Variants in PALM2AKAP2 observed in about 807,000 individuals in gnomAD.
PALM2AKAP2 encodes the protein PALM2 and AKAP2 fusion, also known as PALM2-AKAP2 fusion protein.
A neutral mutation model predicts 71.5 loss-of-function variants in PALM2AKAP2; 37 were observed. That is an observed-to-expected ratio of 0.52 (90% CI 0.40 to 0.68). The LOEUF is 0.68. PALM2AKAP2 is among the 30% of genes least tolerant of loss of function. The pLI is 0.00. For missense variants in PALM2AKAP2, 1,224 were observed against 1,191.8 expected, an observed-to-expected ratio of 1.03 and a Z score of -0.40; for synonymous variants, 468 against 478.8, an observed-to-expected ratio of 0.98 and a Z score of 0.29.
chr9:110,171,568 C>CCA (rs1290378806), exon 4 of PALM2AKAP2: 1 of 152,174 alleles, frequency 6.6e-6, no homozygotes, highest in Non-Finnish European at 1.5e-5. Context: ...AAACCTTGGG[C>CCA]CACCGCTTTG....
intron 1 of PALM2AKAP2, among the ~76,000 whole-genome samples, chr9:109,847,241 G>C (rs1017886840): frequency 6.6e-6 from 1 of 152,164 alleles, no homozygotes; most frequent in Non-Finnish European, 1.5e-5. Flanking sequence ...CGTATAGGGA[G>C]ATCTGACAGA....
At chr9:109,758,718 C>T (rs143914278) in intron 1 of PALM2AKAP2, among the ~76,000 whole-genome samples, 1 of 152,112 alleles carries the variant, frequency 6.6e-6, no homozygotes, top group East Asian at 1.9e-4. Flanking sequence ...TTAATGAAAT[C>T]TCAGCTTCTC....
At chr9:110,140,050 A>G (rs950567383) in intron 2 of PALM2AKAP2, among the ~76,000 whole-genome samples, 4 of 152,066 alleles carry the variant, frequency 2.6e-5, no homozygotes, top group African/African-American at 9.7e-5. Context: ...CACAGTAGTT[A>G]CTTTTTTCTT....
intron 1 of PALM2AKAP2, among the ~76,000 whole-genome samples, chr9:110,079,896 C>T (rs12340701): frequency 0.016 from 2,490 of 151,942 alleles, 53 homozygotes; most frequent in African/African-American, 0.058. Context: ...CTGGTGAAAC[C>T]TCGTCTCTAC....
intron 1 of PALM2AKAP2, among the ~76,000 whole-genome samples, chr9:109,669,626 A>G (rs368299660): frequency 1.3e-5 from 2 of 152,082 alleles, no homozygotes; most frequent in African/African-American, 2.4e-5. Context: ...TATTTAATAG[A>G]TATAGAACTA....
intron 7 of PALM2AKAP2, among the ~76,000 whole-genome samples, chr9:110,037,965 G>T (rs1833442505): frequency 1.3e-5 from 2 of 151,994 alleles, no homozygotes; most frequent in African/African-American, 4.8e-5. Flanking sequence ...GGATAGAAGG[G>T]ATCAAGCCCA....
At chr9:109,965,817 G>A (rs1831936356) in intron 6 of PALM2AKAP2, among the ~76,000 whole-genome samples, 1 of 152,188 alleles carries the variant, frequency 6.6e-6, no homozygotes, top group Admixed American at 6.5e-5. Context: ...GCTAAAAAGA[G>A]ATATTAAGAT....
Position 109,919,127 on chromosome 9 carries a change from T to A in PALM2AKAP2, c.258-4608T>A, listed in dbSNP as rs139915224. 1.5e-3 allele frequency among the ~76,000 whole-genome samples: 236 copies of A among 152,360 alleles called. 1 individual carries two copies. In the East Asian group the frequency reaches 0.021, roughly 14 times the overall value. On this transcript the variant is annotated intron_variant, in intron 3 of 9. Transcript: ENST00000302798. ...ATTTTCGGTTTTAGTCAGCCATTTT[T>A]ATCACGATCTTGTTTGTTTTAGAAT... is the stretch of plus-strand genomic sequence containing the variant.
At chr9:109,973,123 A>C (rs1189040400) in intron 6 of PALM2AKAP2, among the ~76,000 whole-genome samples, 2 of 152,162 alleles carry the variant, frequency 1.3e-5, no homozygotes, top group Non-Finnish European at 2.9e-5. Flanking sequence ...AAAAAAATCT[A>C]CTTCTTTTTT....
At chr9:109,691,833 GATATATATATATATATATAT>G (rs1185965530) in intron 1 of PALM2AKAP2, among the ~76,000 whole-genome samples, 19 of 36,040 alleles carry the variant, frequency 5.3e-4, no homozygotes, top group South Asian at 1.8e-3. Flanking sequence ...CCAGAAAGAC[GATATATATATATATATATAT>G]ATATATATAT....
chr9:109,787,686 C>A (rs1827006237), intron 1 of PALM2AKAP2, among the ~76,000 whole-genome samples: 1 of 152,164 alleles, frequency 6.6e-6, no homozygotes, highest in Non-Finnish European at 1.5e-5. Context: ...TATGTTGTTA[C>A]ATCAACTCAT....
intron 2 of PALM2AKAP2, among the ~76,000 whole-genome samples, chr9:109,875,605 C>T (rs1322581994): frequency 6.6e-6 from 1 of 152,200 alleles, no homozygotes; most frequent in East Asian, 1.9e-4. Flanking sequence ...CATAGGTCCT[C>T]ATGCTGTGCT....
intron 1 of PALM2AKAP2, among the ~76,000 whole-genome samples, chr9:109,849,376 A>G (rs1828947628): frequency 6.6e-6 from 1 of 152,230 alleles, no homozygotes. Flanking sequence ...CCCCATTACT[A>G]GTTGGCCTCA....
At chr9:110,135,249 C>T (rs1424983839) in intron 1 of PALM2AKAP2, among the ~76,000 whole-genome samples, 4 of 104,468 alleles carry the variant, frequency 3.8e-5, no homozygotes, top group African/African-American at 1.2e-4. Context: ...TGCAATGAGC[C>T]GAGATGGCAC....
At chr9:110,161,861 C>T (rs1160040613) in intron 3 of PALM2AKAP2, among the ~76,000 whole-genome samples, 4 of 151,496 alleles carry the variant, frequency 2.6e-5, no homozygotes, top group South Asian at 2.1e-4. Flanking sequence ...TAACAAAGTA[C>T]GGCTTATCTG....
chr9:110,050,896 G>A (rs1426307972), intron 1 of PALM2AKAP2, among the ~76,000 whole-genome samples: 3 of 152,184 alleles, frequency 2.0e-5, no homozygotes, highest in Non-Finnish European at 4.4e-5. Context: ...CCAAAGTGCT[G>A]GGATTACAGG....
chr9:110,060,600 T>TTTTGTTTGTTTG lies in PALM2AKAP2; in HGVS notation c.156+11753_156+11764dup, dbSNP rs200124001. ...AAAGAGGGTCAACAGGTCCAGGAGT[T>TTTTGTTTGTTTG]TTTGTTTGTTTGTTTGTTTTAGATG... On this transcript the variant is annotated intron_variant, in intron 1 of 3. Transcript: ENST00000374525. Among the ~76,000 whole-genome samples, 792 of 151,620 alleles carry TTTTGTTTGTTTG rather than the reference T, an allele frequency of 5.2e-3. 6 individuals carry two copies. The highest frequency in any genetic ancestry group is 0.027 in the Middle Eastern group (8 of 294).
At chr9:109,693,323 C>T (rs537842716) in intron 1 of PALM2AKAP2, among the ~76,000 whole-genome samples, 1 of 151,988 alleles carries the variant, frequency 6.6e-6, no homozygotes, top group Admixed American at 6.6e-5. Context: ...TTCTTTCTTT[C>T]ACTGCTAATA....
intron 1 of PALM2AKAP2, among the ~76,000 whole-genome samples, chr9:109,781,717 G>A (rs1191360612): frequency 6.6e-6 from 1 of 152,256 alleles, no homozygotes; most frequent in Non-Finnish European, 1.5e-5. Flanking sequence ...ACTGAAGTGA[G>A]AGAGATGTTT....
Sources: gnomAD v4.1 joint callset for allele counts (sites outside exome capture counted in the v4.1 genomes callset) on GRCh38, gnomAD v4.1.1 for gene constraint, MANE v1.5 for transcripts, NCBI Gene and HGNC (gene_info 2026-07-23, HGNC 2026-07-21) for gene names.